Variants in INTS6 observed in about 807,000 individuals in gnomAD.
INTS6 encodes the protein DEAD box protein.
A neutral mutation model predicts 104.9 loss-of-function variants in INTS6; 16 were observed. The observed-to-expected ratio is 0.15, with a 90% CI of 0.10 to 0.23. The LOEUF is 0.23. Ranked by LOEUF, INTS6 falls within the 10% of genes least tolerant of loss-of-function variation. The probability of loss-of-function intolerance (pLI) is 1.00; values close to 1 mark genes in which losing one functional copy is unlikely to be tolerated. For synonymous variants in INTS6, 324 were observed against 358.7 expected (o/e 0.90, Z 1.09); for missense variants, 584 against 1,062.8 (o/e 0.55, Z 6.26).
At chr13:51,419,216 G>C (rs1030693648) in intron 4 of INTS6, among the ~76,000 whole-genome samples, 1 of 152,140 alleles carries the variant, frequency 6.6e-6, no homozygotes, top group African/African-American at 2.4e-5. Flanking sequence ...AAAAAAACCT[G>C]CTCTTTGTAT....
chr13:51,450,185 GCTC>G (rs1437291384), intron 3 of INTS6: 22 of 984,716 alleles, frequency 2.2e-5, no homozygotes, highest in Non-Finnish European at 2.5e-5. Flanking sequence ...TAAGAACTGA[GCTC>G]CTTGGAAATA....
chr13:51,445,599 A>C (rs1355597423), intron 3 of INTS6: 1 of 152,254 alleles, frequency 6.6e-6, no homozygotes, highest in Non-Finnish European at 1.5e-5. Flanking sequence ...ACTTGGAATA[A>C]GAAGTAGCAG....
chr13:51,435,198 C>T (rs537469973), intron 3 of INTS6, among the ~76,000 whole-genome samples: 1 of 151,900 alleles, frequency 6.6e-6, no homozygotes, highest in Non-Finnish European at 1.5e-5. Context: ...TAAAAGTTTA[C>T]TTTTGCTATT....
chr13:51,354,139 A>G (rs950647105), exon 4 of INTS6: 1 of 152,174 alleles, frequency 6.6e-6, no homozygotes, highest in Admixed American at 6.5e-5. Flanking sequence ...TTAATTGTCA[A>G]TAAGGCAATT....
the INTS6 span, chr13:51,348,372 C>T: frequency 3.1e-6 from 5 of 1,613,936 alleles, no homozygotes; most frequent in Non-Finnish European, 3.4e-6. Context: ...CTCTGGACCA[C>T]CAGCCTGAGG....
rs555643225 is a variant in INTS6, at chr13:51,381,922, T to C, written c.1275+107A>G. 4.6e-4 allele frequency: 232 copies of C among 500,798 alleles called. No homozygotes were observed. In the South Asian group the frequency reaches 4.7e-3, roughly 10 times the overall value. 31.0% of individuals were successfully genotyped at this position (500,798 alleles called of 1,614,324 possible). ...TTCACCATGTTGGCCAGGCTGGTCT[T>C]GATCTCCTGACCTCATGATCCACCC... is the stretch of plus-strand genomic sequence containing the variant. On this transcript the variant is annotated intron_variant, in intron 10 of 17. Transcript: ENST00000311234.
the INTS6 span, chr13:51,347,377 A>G: frequency 2.7e-3 from 1,926 of 708,860 alleles, 23 homozygotes; most frequent in African/African-American, 0.029. Context: ...TGCATGGCGG[A>G]AGGAAAGACT....
At chr13:51,381,492 T>C (rs915186501) in intron 10 of INTS6, among the ~76,000 whole-genome samples, 5 of 152,190 alleles carry the variant, frequency 3.3e-5, no homozygotes, top group African/African-American at 1.2e-4. Context: ...CTTAGGACAG[T>C]ACCTGGCCTA....
rs1233876353 is a variant in INTS6 at position 51,452,516 on chromosome 13, A to G, written c.10T>C (p.Leu4=). 6.2e-7 allele frequency: 1 copy of G among 1,610,960 alleles called. No individual in the cohort carries two copies. The highest frequency in any genetic ancestry group is 8.5e-7 in the Non-Finnish European group (1 of 1,178,026). The change falls in exon 1 of 18, where the codon TTA becomes CTA. Residue 4 remains leucine (L), a synonymous_variant. Transcript: ENST00000311234. The surrounding 1 kb of genome is among the most constrained non-coding windows in gnomAD (Gnocchi z 4.2). MPI[L]LFLIDTSASM... is the part of the protein sequence containing the mutation. ...GCAGACGTGTCTATCAGGAACAGTAAGATGGGCATAGTGCTGGCCGGGGAC... is the reference window on the plus strand; with the variant it reads ...GCAGACGTGTCTATCAGGAACAGTAGGATGGGCATAGTGCTGGCCGGGGAC...
At position 51,361,957 on chromosome 13, in the gene INTS6, C is replaced by A. The variant is rs1955586599; in HGVS notation, c.*3795G>T. On this transcript the variant is annotated 3_prime_UTR_variant, in exon 18 of 18. Coordinates refer to ENST00000311234, the MANE Select transcript of INTS6 (RefSeq NM_012141.3). ...CAGTGTCTCTCTAGCAACAAGGGCT[C>A]ATTTGTCCACTATCCCCTCAAAAAT... is the stretch of plus-strand genomic sequence containing the variant. 1.2e-6 allele frequency: 2 copies of A among 1,611,622 alleles called. No homozygotes were observed. The highest frequency in any genetic ancestry group is 2.2e-5 in the South Asian group (2 of 90,882).
In INTS6 at chr13:51,452,563, G is replaced by A. The variant is rs1240349964; in HGVS notation, c.-38C>T. On this transcript the variant is annotated 5_prime_UTR_variant, in exon 1 of 18. Transcript: ENST00000311234. This position sits in a 1 kb window ranked among gnomAD's most constrained non-coding sequence, Gnocchi z 4.2. Reference sequence around the variant, plus strand: ...GGACACCGGGGCCCGAGGTGGTGGAGAAAGAGGAGATGGTAGAGGTGGAGG... The same window carrying A: ...GGACACCGGGGCCCGAGGTGGTGGAAAAAGAGGAGATGGTAGAGGTGGAGG... 3 of 1,601,074 alleles carry A rather than the reference G, an allele frequency of 1.9e-6. No homozygotes were observed. Among genetic ancestry groups the A allele is most frequent in the African/African-American group, 2.7e-5 (2 of 74,416 alleles).
chr13:51,374,088 TAC>T (rs1955866573), intron 15 of INTS6, 118 bp downstream of exon 15: 2 of 704,150 alleles, frequency 2.8e-6, no homozygotes, highest in Non-Finnish European at 4.7e-6. Flanking sequence ...AAATTTTCTA[TAC>T]ATTCATTCAC....
At chr13:51,372,786 C>G (rs1484273560) in intron 15 of INTS6, among the ~76,000 whole-genome samples, 1 of 152,210 alleles carries the variant, frequency 6.6e-6, no homozygotes, top group Non-Finnish European at 1.5e-5. Flanking sequence ...AATACATATT[C>G]TTCTTGAAAC....
chr13:51,393,553 T>C (rs942773826), intron 5 of INTS6, among the ~76,000 whole-genome samples: 2 of 152,182 alleles, frequency 1.3e-5, no homozygotes, highest in Non-Finnish European at 2.9e-5. Context: ...TTCAGAGATA[T>C]GAAAAGATGA....
downstream of INTS6, among the ~76,000 whole-genome samples, chr13:51,349,246 C>T (rs1365741164): frequency 2.0e-5 from 3 of 152,128 alleles, no homozygotes; most frequent in Admixed American, 6.6e-5. Context: ...CTTGGCAGTA[C>T]TCCCTTGAGG....
downstream of INTS6, among the ~76,000 whole-genome samples, chr13:51,351,937 T>C (rs754602050): frequency 5.3e-5 from 8 of 152,080 alleles, no homozygotes; most frequent in Non-Finnish European, 8.8e-5. Context: ...TTTGTCAAAA[T>C]CAATTGCCCA....
At chr13:51,375,351 CAA>C (rs34281256) in intron 13 of INTS6, among the ~76,000 whole-genome samples, 125 of 120,812 alleles carry the variant, frequency 1.0e-3, no homozygotes, top group Middle Eastern at 4.7e-3. Context: ...GGCTCTGACT[CAA>C]AAAAAAAAAA....
chr13:51,342,469 T>C, the INTS6 span, among the ~76,000 whole-genome samples: 1 of 152,226 alleles, frequency 6.6e-6, no homozygotes, highest in Non-Finnish European at 1.5e-5. Flanking sequence ...TAGCACAATG[T>C]CTATGAACAC....
At chr13:51,396,353 GT>G (rs1303599483) in intron 4 of INTS6, among the ~76,000 whole-genome samples, 2 of 152,106 alleles carry the variant, frequency 1.3e-5, no homozygotes, top group East Asian at 3.8e-4. Context: ...AGGTTTGGGG[GT>G]TTTTGTATGT....
Sources: allele counts gnomAD v4.1 joint callset (sites outside exome capture counted in the v4.1 genomes callset), GRCh38; gene constraint gnomAD v4.1.1; non-coding constraint Gnocchi (gnomAD v3.1); transcripts MANE v1.5; gene names NCBI Gene and HGNC (gene_info 2026-07-23, HGNC 2026-07-21).